DNAH17: variants seen among roughly 807,000 people sequenced by gnomAD.
The protein encoded by DNAH17 is dynein axonemal heavy chain 17.
A neutral mutation model predicts 485.6 loss-of-function variants in DNAH17; 376 were observed. That is an observed-to-expected ratio of 0.77 (90% confidence interval 0.71 to 0.84). DNAH17 has a LOEUF of 0.84. Ranked by LOEUF, DNAH17 falls within the 40% of genes least tolerant of loss-of-function variation. The pLI is 0.00. For synonymous variants in DNAH17, 3,031 were observed against 2,405.9 expected (o/e 1.26, Z -7.60); for missense variants, 6,370 against 5,839.3 (o/e 1.09, Z -2.96).
intron 80 of DNAH17, 85 bp from the exon 81 acceptor site, chr17:78,424,238 C>G: frequency 6.7e-7 from 1 of 1,493,104 alleles, no homozygotes; most frequent in Non-Finnish European, 8.9e-7. Flanking sequence ...CCTCACACTC[C>G]CCGCCCTCTG....
intron 77 of DNAH17, 104 bp downstream of exon 77, chr17:78,428,421 C>A: frequency 1.4e-6 from 2 of 1,387,610 alleles, no homozygotes; most frequent in Non-Finnish European, 2.0e-6. Context: ...CAGAGTGTAC[C>A]TCACCAGCAA....
rs71160298 is a variant in DNAH17, at chr17:78,460,321, CGTGCATGTGT to C, written c.9340-74_9340-65del. 9,413 of 872,482 alleles carry C rather than the reference CGTGCATGTGT, an allele frequency of 0.011. 412 individuals carry two copies. In the African/African-American group the frequency reaches 0.11, roughly 10 times the overall value. The allele number at this position is 872,482 out of a possible 1,614,324, so 54.0% of individuals were successfully genotyped here. A position where few individuals can be genotyped will look rare whatever the true frequency, so the allele number is the denominator to read the frequency against. On this transcript the variant is annotated intron_variant, in intron 58 of 80. Transcript: ENST00000389840. ...GTCCATGTGCCTGTGGGGGCGTGTA[CGTGCATGTGT>C]GTGCATGTGTGTGCATGTGTGTGCA...
At position 78,426,480 on chromosome 17, in the gene DNAH17, C is replaced by G. The variant is rs146587167; in HGVS notation, c.12892G>C (p.Ala4298Pro). The G allele has an allele frequency of 3.1e-6, 5 of 1,609,738 alleles. No individual in the cohort carries two copies. The highest frequency in any genetic ancestry group is 4.2e-6 in the Non-Finnish European group (5 of 1,178,182). The change falls in exon 79 of 81, where the codon GCA (alanine) becomes CCA (proline). Residue 4298 changes from alanine (A) to proline (P), a missense_variant. Transcript: ENST00000389840. ...ACCCTGATGCGGAGCAGCAGGTCTG[C>G]GTACCAGGCCGCCAGGCCCATCATG... Reference protein sequence around the residue: ...PSMMGLAAWYADLLLRIRELE... With the variant: ...PSMMGLAAWYPDLLLRIRELE...
At chr17:78,429,336 CCT>C (rs758555379) in intron 75 of DNAH17, 36 bp from the exon 76 acceptor site, 7 of 1,597,804 alleles carry the variant, frequency 4.4e-6, no homozygotes, top group South Asian at 1.1e-5. Flanking sequence ...GGAAAGTGCC[CCT>C]GTGCCCCTTC....
intron 25 of DNAH17, among the ~76,000 whole-genome samples, chr17:78,521,090 T>C (rs1040939448): frequency 2.0e-4 from 30 of 152,294 alleles, no homozygotes; most frequent in African/African-American, 6.7e-4. Flanking sequence ...CAACTGACTT[T>C]TGATAAAGAT....
chr17:78,424,297 G>T, intron 80 of DNAH17, 144 bp from the exon 81 acceptor site: 1 of 1,030,444 alleles, frequency 9.7e-7, no homozygotes, highest in Non-Finnish European at 1.4e-6. Context: ...GCCACGGCTG[G>T]AAGCAGAGGC....
intron 26 of DNAH17, among the ~76,000 whole-genome samples, chr17:78,513,516 A>T (rs972883730): frequency 6.6e-6 from 1 of 151,842 alleles, no homozygotes; most frequent in East Asian, 1.9e-4. Flanking sequence ...GCTCACTGCA[A>T]CCTCCACCTC....
chr17:78,492,804 T>A (rs752316342), intron 41 of DNAH17, 39 bp from the exon 42 acceptor site: 19 of 1,584,860 alleles, frequency 1.2e-5, no homozygotes, highest in Non-Finnish European at 1.5e-5. Flanking sequence ...GACTCCATGT[T>A]CCTGGCACAT....
At chr17:78,562,841 TCAGAC>T (rs2092186619) in intron 11 of DNAH17, among the ~76,000 whole-genome samples, 2 of 151,816 alleles carry the variant, frequency 1.3e-5, no homozygotes, top group Admixed American at 1.3e-4. Context: ...GCTCTGGGGG[TCAGAC>T]CAAGTGGGAG....
chr17:78,570,427 C>CCG, intron 6 of DNAH17, 55 bp from the exon 7 acceptor site: 3 of 1,569,280 alleles, frequency 1.9e-6, no homozygotes, highest in Non-Finnish European at 2.6e-6. Flanking sequence ...GCACCTTATC[C>CCG]CGGTGTCCCA....
chr17:78,431,448 A>AGCCC (rs2086668560), intron 75 of DNAH17, among the ~76,000 whole-genome samples: 1 of 137,486 alleles, frequency 7.3e-6, no homozygotes, highest in Admixed American at 7.2e-5. Context: ...TGCTGAGGGA[A>AGCCC]CCCCCCACCC....
At chr17:78,576,240 C>T (rs2092430825) in intron 1 of DNAH17, among the ~76,000 whole-genome samples, 1 of 152,318 alleles carries the variant, frequency 6.6e-6, no homozygotes, top group East Asian at 1.9e-4. Context: ...CGTAATACCA[C>T]GGAACAGGTT....
intron 65 of DNAH17, 41 bp from the exon 66 acceptor site, chr17:78,451,714 G>A (rs375219370): frequency 1.1e-4 from 171 of 1,499,798 alleles, no homozygotes; most frequent in Non-Finnish European, 1.4e-4. Flanking sequence ...GCCTCCCAGT[G>A]ACCAGGGGAG....
chr17:78,445,341 C>T (rs954682485), intron 70 of DNAH17, among the ~76,000 whole-genome samples: 1 of 152,148 alleles, frequency 6.6e-6, no homozygotes, highest in Non-Finnish European at 1.5e-5. Flanking sequence ...TCTCAGGGAC[C>T]TAACACATGT....
At chr17:78,481,497 T>TG (rs2089349298) in intron 48 of DNAH17, among the ~76,000 whole-genome samples, 1 of 152,128 alleles carries the variant, frequency 6.6e-6, no homozygotes, top group African/African-American at 2.4e-5. Flanking sequence ...GAGAGCAGGC[T>TG]GGGGTTTATG....
At chr17:78,437,427 AAT>A (rs1371834695) in intron 74 of DNAH17, among the ~76,000 whole-genome samples, 2 of 152,252 alleles carry the variant, frequency 1.3e-5, no homozygotes, top group African/African-American at 2.4e-5. Flanking sequence ...AGCTTTAAGT[AAT>A]AAATAGTGCC....
rs2088135907 is a variant in DNAH17 at position 78,461,698 on chromosome 17, A to C, written c.9185T>G (p.Leu3062Trp). ...LQSTASQVDD[L>W]KAKLAIQEAE... ...CTCCTGAATCGCCAACTTGGCTTTCAAATCATCCACCTGGGGAAGGAGAAA... is the reference window on the plus strand; with the variant it reads ...CTCCTGAATCGCCAACTTGGCTTTCCAATCATCCACCTGGGGAAGGAGAAA... Residue 3062 changes from leucine to tryptophan, a missense_variant, in exon 58 of 81, where the codon TTG becomes TGG. Transcript: ENST00000389840. The C allele has an allele frequency of 6.2e-7, 1 of 1,610,250 alleles. No homozygotes were observed. Among genetic ancestry groups the C allele is most frequent in the Non-Finnish European group, 8.5e-7 (1 of 1,178,588 alleles).
At chr17:78,466,296 A>G (rs1445392224) in intron 56 of DNAH17, among the ~76,000 whole-genome samples, 1 of 152,284 alleles carries the variant, frequency 6.6e-6, no homozygotes, top group South Asian at 2.1e-4. Flanking sequence ...AACACTGCCG[A>G]AGGCCGGAAG....
rs2087523537 is a variant in DNAH17 at position 78,450,968 on chromosome 17, A to T, written c.10735-122T>A. The T allele has an allele frequency of 2.4e-6, 3 of 1,238,336 alleles. No individual in the cohort carries two copies. The Admixed American group carries it at 6.3e-5, about 26-fold the overall frequency. 76.7% of individuals were successfully genotyped at this position (1,238,336 alleles called of 1,614,324 possible). A position where few individuals can be genotyped will look rare whatever the true frequency, so the allele number is the denominator to read the frequency against. On this transcript the variant is annotated intron_variant, in intron 66 of 80. Coordinates refer to ENST00000389840, the MANE Select transcript of DNAH17 (RefSeq NM_173628.4). ...GGCTTTGAGCGGGAGGAACGAGCTC[A>T]GGTCCTGGAAGGGGCTGCAGAAGCA...
Sources: allele counts gnomAD v4.1 joint callset (sites outside exome capture counted in the v4.1 genomes callset), GRCh38; gene constraint gnomAD v4.1.1; transcripts MANE v1.5; gene names NCBI Gene and HGNC (gene_info 2026-07-23, HGNC 2026-07-21).